The following SLC25A21 variants were observed in gnomAD, a reference collection of about 807,000 sequenced individuals.
The protein encoded by SLC25A21 is solute carrier family 25 member 21.
Under a neutral mutation model 43.8 loss-of-function variants are expected in SLC25A21, and 47 were observed. The ratio of observed to expected loss-of-function variants is 1.07; its 90% CI spans 0.85 to 1.37. SLC25A21 has a LOEUF of 1.37. SLC25A21 is among the 40% of genes most tolerant of loss of function. SLC25A21 has a pLI of 0.00. For missense variants in SLC25A21, 352 were observed against 350.2 expected, an observed-to-expected ratio of 1.00 and a Z score of -0.04; for synonymous variants, 131 against 121.3, an observed-to-expected ratio of 1.08 and a Z score of -0.52.
chr14:36,694,084 C>G (rs1727270441), intron 7 of SLC25A21, among the ~76,000 whole-genome samples: 1 of 151,896 alleles, frequency 6.6e-6, no homozygotes. Context: ...CCTGACAGGC[C>G]CCAGTGTGTG....
At chr14:36,703,545 C>A (rs1883370055) in intron 7 of SLC25A21, among the ~76,000 whole-genome samples, 1 of 152,166 alleles carries the variant, frequency 6.6e-6, no homozygotes, top group Non-Finnish European at 1.5e-5. Context: ...TAATTTATAT[C>A]ATGGCAAAAT....
intron 1 of SLC25A21, among the ~76,000 whole-genome samples, chr14:37,142,814 A>C (rs1283376549): frequency 6.6e-6 from 1 of 152,224 alleles, no homozygotes; most frequent in Non-Finnish European, 1.5e-5. Context: ...TCGAAATAGT[A>C]GTATCTGAGG....
chr14:37,019,545 T>G (rs1402560279), intron 1 of SLC25A21, among the ~76,000 whole-genome samples: 1 of 151,780 alleles, frequency 6.6e-6, no homozygotes, highest in African/African-American at 2.4e-5. Flanking sequence ...GGGGCATGCC[T>G]GAAGAGTTAG....
At chr14:37,111,407 C>T (rs1963017342) in intron 1 of SLC25A21, among the ~76,000 whole-genome samples, 2 of 152,014 alleles carry the variant, frequency 1.3e-5, no homozygotes, top group South Asian at 2.1e-4. Context: ...AATACTGATA[C>T]TGAGCTGTCT....
chr14:36,815,925 T>C (rs1394446555), intron 2 of SLC25A21, among the ~76,000 whole-genome samples: 1 of 152,210 alleles, frequency 6.6e-6, no homozygotes, highest in Non-Finnish European at 1.5e-5. Flanking sequence ...CTTCTGATAT[T>C]ATTTAGTTCA....
At chr14:37,071,837 C>T (rs1188398590) in intron 1 of SLC25A21, among the ~76,000 whole-genome samples, 1 of 152,090 alleles carries the variant, frequency 6.6e-6, no homozygotes, top group Non-Finnish European at 1.5e-5. Flanking sequence ...AAAAATGCTA[C>T]TAATTAGTTG....
chr14:36,883,652 T>C (rs902194267), intron 1 of SLC25A21, among the ~76,000 whole-genome samples: 1 of 152,278 alleles, frequency 6.6e-6, no homozygotes, highest in Admixed American at 6.5e-5. Context: ...TAAATGTTTG[T>C]TGAAAAAGAA....
chr14:37,145,337 C>A (rs1406413787), intron 1 of SLC25A21, among the ~76,000 whole-genome samples: 1 of 151,826 alleles, frequency 6.6e-6, no homozygotes, highest in Non-Finnish European at 1.5e-5. Flanking sequence ...TGGGCTCAAG[C>A]AATCCTCATG....
intron 3 of SLC25A21, among the ~76,000 whole-genome samples, chr14:36,763,919 C>T (rs1291243780): frequency 6.6e-6 from 1 of 150,676 alleles, no homozygotes; most frequent in Non-Finnish European, 1.5e-5. Context: ...ATCTCAGTTA[C>T]TTGGGAGGGT....
intron 6 of SLC25A21, among the ~76,000 whole-genome samples, chr14:36,719,095 G>C (rs150823489): frequency 1.3e-5 from 2 of 152,288 alleles, no homozygotes; most frequent in Non-Finnish European, 2.9e-5. Context: ...CTTTGAAGTA[G>C]ATTTCAAAGT....
At chr14:36,824,735 TTTCA>T (rs1334518999) in intron 2 of SLC25A21, among the ~76,000 whole-genome samples, 2 of 151,448 alleles carry the variant, frequency 1.3e-5, no homozygotes, top group Non-Finnish European at 2.9e-5. Context: ...ACTCAAGCTT[TTTCA>T]TTAGTGAAAA....
intron 1 of SLC25A21, among the ~76,000 whole-genome samples, chr14:37,117,580 A>C (rs1174549792): frequency 1.3e-5 from 2 of 152,190 alleles, no homozygotes; most frequent in Non-Finnish European, 2.9e-5. Context: ...GACAGATCTA[A>C]TATAACATAT....
chr14:36,980,909 C>G (rs887793465), intron 1 of SLC25A21, among the ~76,000 whole-genome samples: 1 of 152,266 alleles, frequency 6.6e-6, no homozygotes, highest in Non-Finnish European at 1.5e-5. Context: ...AGGCAACCTA[C>G]AGAATGGGAG....
chr14:36,932,689 C>A (rs566631507), intron 1 of SLC25A21, among the ~76,000 whole-genome samples: 42 of 151,830 alleles, frequency 2.8e-4, no homozygotes, highest in Non-Finnish European at 5.3e-4. Flanking sequence ...CCAGGCTACC[C>A]CATTAAACTT....
chr14:36,809,069 T>G (rs1594606786), intron 3 of SLC25A21: 1 of 152,166 alleles, frequency 6.6e-6, no homozygotes, highest in Admixed American at 6.5e-5. Flanking sequence ...AAGTGAGGCG[T>G]GATGCATGGA....
chr14:36,855,602 C>G (rs147127243), intron 2 of SLC25A21, among the ~76,000 whole-genome samples: 145 of 152,234 alleles, frequency 9.5e-4, no homozygotes, highest in African/African-American at 3.2e-3. Context: ...TTGGTCTCCA[C>G]CCTGAACTAA....
At chr14:36,995,726 C>T (rs987072553) in intron 1 of SLC25A21, among the ~76,000 whole-genome samples, 4 of 152,154 alleles carry the variant, frequency 2.6e-5, no homozygotes, top group African/African-American at 9.7e-5. Context: ...CACTGTTGGG[C>T]CTCAACCCAG....
At chr14:37,023,232 C>T (rs887348517) in intron 1 of SLC25A21, among the ~76,000 whole-genome samples, 6 of 152,066 alleles carry the variant, frequency 3.9e-5, no homozygotes, top group Non-Finnish European at 7.4e-5. Flanking sequence ...CAAAAGTGTT[C>T]CCAAAGTCAG....
chr14:36,868,541 G>A (rs953723401), intron 2 of SLC25A21, among the ~76,000 whole-genome samples: 1 of 152,166 alleles, frequency 6.6e-6, no homozygotes, highest in Admixed American at 6.5e-5. Flanking sequence ...AAGTGCCACA[G>A]TGCCTGGAAT....
Sources: allele counts gnomAD v4.1 joint callset (sites outside exome capture counted in the v4.1 genomes callset), GRCh38; gene constraint gnomAD v4.1.1; transcripts MANE v1.5; gene names NCBI Gene and HGNC (gene_info 2026-07-23, HGNC 2026-07-21).